RAB3GAP2: variants seen among roughly 807,000 people sequenced by gnomAD.
RAB3GAP2 encodes rab3 GTPase-activating protein non-catalytic subunit.
RAB3GAP2 carries 87 observed loss-of-function variants against 185.3 expected under a neutral mutation model. The observed-to-expected ratio is 0.47, with a 90% CI of 0.39 to 0.56. The LOEUF (loss-of-function observed/expected upper bound fraction) is 0.56, where lower values mean the gene tolerates loss of function less well. RAB3GAP2 is among the 20% of genes least tolerant of loss of function. The pLI, the probability that RAB3GAP2 is intolerant of heterozygous loss-of-function variation, is 0.00. For missense variants in RAB3GAP2, 1,492 were observed against 1,638.2 expected, an observed-to-expected ratio of 0.91 and a Z score of 1.54; for synonymous variants, 554 against 576.1, an observed-to-expected ratio of 0.96 and a Z score of 0.55.
At chr1:220,211,933 T>C (rs1408060580) in intron 4 of RAB3GAP2, among the ~76,000 whole-genome samples, 1 of 152,254 alleles carries the variant, frequency 6.6e-6, no homozygotes, top group Non-Finnish European at 1.5e-5. Context: ...ATATCTACAA[T>C]GTTCCAGGCA....
intron 26 of RAB3GAP2, among the ~76,000 whole-genome samples, chr1:220,165,198 A>G (rs1658041699): frequency 6.8e-6 from 1 of 147,314 alleles, no homozygotes; most frequent in Non-Finnish European, 1.5e-5. Flanking sequence ...ACCAAGCCCT[A>G]TTTGAAGCAC....
At position 220,227,999 on chromosome 1, in the gene RAB3GAP2, C is replaced by T. The variant is rs536037953; in HGVS notation, c.180+4800G>A. On this transcript the variant is annotated intron_variant, in intron 2 of 34. Transcript: ENST00000358951. ...TACTCCTGACCTCAAGTGATCTGAC[C>T]GCCTCAGCCTTCCAAAGTGCTGGGA... 3.9e-5 allele frequency among the ~76,000 whole-genome samples: 6 copies of T among 152,296 alleles called. No homozygotes were observed. In the South Asian group the frequency reaches 6.2e-4, roughly 16 times the overall value.
chr1:220,243,164 C>G (rs763660307), intron 1 of RAB3GAP2, among the ~76,000 whole-genome samples: 2 of 151,992 alleles, frequency 1.3e-5, no homozygotes, highest in African/African-American at 4.8e-5. Context: ...ACCATCCTGG[C>G]TAACATGGTG....
intron 9 of RAB3GAP2, among the ~76,000 whole-genome samples, chr1:220,196,664 C>T (rs1324206671): frequency 2.6e-5 from 4 of 151,790 alleles, no homozygotes; most frequent in African/African-American, 9.7e-5. Context: ...AACCCCGCCT[C>T]TACTAAATAT....
At chr1:220,190,578 G>C in intron 14 of RAB3GAP2, 58 bp from the exon 15 acceptor site, 5 of 1,525,342 alleles carry the variant, frequency 3.3e-6, no homozygotes, top group South Asian at 1.1e-5. Flanking sequence ...AATGCCAAAA[G>C]GTGCTTTTAT....
At chr1:220,230,803 A>G (rs976170307) in intron 2 of RAB3GAP2, among the ~76,000 whole-genome samples, 1 of 152,184 alleles carries the variant, frequency 6.6e-6, no homozygotes, top group Non-Finnish European at 1.5e-5. Context: ...ACCTTTCAAC[A>G]ATCGTGTTTT....
At chr1:220,194,806 C>T (rs955703261) in intron 12 of RAB3GAP2, among the ~76,000 whole-genome samples, 39 of 152,188 alleles carry the variant, frequency 2.6e-4, no homozygotes, top group Admixed American at 7.9e-4. Context: ...ATTAATTCTC[C>T]TACAACTAAG....
rs768665798 is a variant in RAB3GAP2 at position 220,167,590 on chromosome 1, A to G, written c.2892T>C (p.Asp964=). The G allele has an allele frequency of 5.6e-6, 9 of 1,614,178 alleles. No individual in the cohort carries two copies. The highest frequency in any genetic ancestry group is 6.8e-6 in the Non-Finnish European group (8 of 1,180,004). ...EVLKLANEER[D]AENPDEPKEG... The stretch of plus-strand genomic sequence containing the variant: ...CTTTGGGTTCATCTGGGTTTTCTGC[A>G]TCTCTTTCTTCATTAGCCAGTTTTA... Residue 964 remains aspartate, a synonymous_variant, in exon 25 of 35, where the codon GAT becomes GAC. Coordinates refer to ENST00000358951, the MANE Select transcript of RAB3GAP2 (RefSeq NM_012414.4).
Position 220,189,728 on chromosome 1 carries a change from A to G in RAB3GAP2, c.1754T>C (p.Ile585Thr). 1 of 1,551,384 alleles carries G rather than the reference A, an allele frequency of 6.4e-7. No homozygotes were observed. Among genetic ancestry groups the G allele is most frequent in the Non-Finnish European group, 8.8e-7 (1 of 1,134,102 alleles). ...TTGTTTTTTGGTTGCAGGGTATTTA[A>G]TATCAAGAATTAATTCCTTTATTTC... is the stretch of plus-strand genomic sequence containing the variant. ...ETEIKELILD[I>T]KYPATKKQAL... Residue 585 changes from isoleucine (I) to threonine (T), a missense_variant, in exon 17 of 35, where the codon ATT (isoleucine) becomes ACT (threonine). Ile to Thr is a moderately conservative substitution (Grantham distance 89). This residue lies in a region of RAB3GAP2 where 681 missense variants were observed against 689.1 expected (regional missense o/e 0.99). Transcript: ENST00000358951.
chr1:220,239,554 A>T (rs1202439909), intron 1 of RAB3GAP2, among the ~76,000 whole-genome samples: 1 of 152,208 alleles, frequency 6.6e-6, no homozygotes, highest in African/African-American at 2.4e-5. Flanking sequence ...TGTATGTAAC[A>T]TTACAATATT....
At chr1:220,234,845 A>G (rs762335003) in intron 1 of RAB3GAP2, among the ~76,000 whole-genome samples, 15 of 152,380 alleles carry the variant, frequency 9.8e-5, no homozygotes, top group Non-Finnish European at 1.8e-4. Flanking sequence ...GAAAAAGTCA[A>G]CATGAATGAA....
At chr1:220,201,147 C>T (rs1016433660) in intron 9 of RAB3GAP2, among the ~76,000 whole-genome samples, 1 of 152,284 alleles carries the variant, frequency 6.6e-6, no homozygotes, top group South Asian at 2.1e-4. Context: ...GTACCTAACA[C>T]AGTAAGCTCT....
intron 1 of RAB3GAP2, chr1:220,267,246 T>C: frequency 1.1e-6 from 1 of 917,480 alleles, no homozygotes; most frequent in Non-Finnish European, 1.8e-6. Flanking sequence ...ACTTTGAAAG[T>C]TTCTGAAGTT....
chr1:220,232,886 T>A, intron 1 of RAB3GAP2, 23 bp from the exon 2 acceptor site: 1 of 1,603,086 alleles, frequency 6.2e-7, no homozygotes, highest in Non-Finnish European at 8.5e-7. Context: ...AGATGAACAA[T>A]GCTTGCATGA....
intron 1 of RAB3GAP2, among the ~76,000 whole-genome samples, chr1:220,248,128 C>CA (rs138274095): frequency 5.3e-5 from 8 of 151,236 alleles, no homozygotes; most frequent in East Asian, 1.9e-4. Context: ...CTAAAAGATG[C>CA]AAAAAAAATG....
chr1:220,210,173 A>G (rs1659052120), intron 7 of RAB3GAP2, among the ~76,000 whole-genome samples: 1 of 152,196 alleles, frequency 6.6e-6, no homozygotes, highest in South Asian at 2.1e-4. Flanking sequence ...ACTTTGTTGT[A>G]GAATGAAACA....
rs1482545282 is a variant in RAB3GAP2 at position 220,184,304 on chromosome 1, A to C, written c.1871-141T>G. The C allele has an allele frequency of 1.6e-5, 10 of 626,018 alleles. No individual in the cohort carries two copies. The East Asian group carries it at 2.6e-4, about 16-fold the overall frequency. The allele number at this position is 626,018 out of a possible 1,614,324, so 38.8% of individuals were successfully genotyped here. Reference sequence around the variant, plus strand: ...AATACTGAGATGCTTAAGCTATACCAGGTTTTGAAAGCAAAAATAATTTTT... The same window carrying C: ...AATACTGAGATGCTTAAGCTATACCCGGTTTTGAAAGCAAAAATAATTTTT... On this transcript the variant is annotated intron_variant, in intron 18 of 34. Coordinates refer to ENST00000358951, the MANE Select transcript of RAB3GAP2 (RefSeq NM_012414.4).
At chr1:220,231,554 G>C (rs776886450) in intron 2 of RAB3GAP2, among the ~76,000 whole-genome samples, 6 of 151,960 alleles carry the variant, frequency 3.9e-5, no homozygotes, top group African/African-American at 1.5e-4. Flanking sequence ...ATTTTGTTCA[G>C]GTATCAACTC....
intron 1 of RAB3GAP2, chr1:220,267,325 C>T (rs938682090): frequency 3.9e-6 from 4 of 1,028,362 alleles, no homozygotes; most frequent in African/African-American, 3.2e-5. Flanking sequence ...ATGGAAATAA[C>T]CATACAGTCT....
Sources: gnomAD v4.1 joint callset for allele counts (sites outside exome capture counted in the v4.1 genomes callset) on GRCh38, gnomAD v4.1.1 for gene constraint, gnomAD v4.1.1 regional missense constraint, MANE v1.5 for transcripts, NCBI Gene and HGNC (gene_info 2026-07-23, HGNC 2026-07-21) for gene names.